ZDHHC24: variants seen among roughly 807,000 people sequenced by gnomAD.
ZDHHC24 encodes the protein probable palmitoyltransferase ZDHHC24.
Under a neutral mutation model 23.2 loss-of-function variants are expected in ZDHHC24, and 17 were observed. That is an observed-to-expected ratio of 0.73 (90% CI 0.50 to 1.10). ZDHHC24 has a LOEUF of 1.10. Among genes scored for constraint, ZDHHC24 ranks in the 50% least tolerant of loss-of-function variants. The pLI is 0.00. For synonymous variants in ZDHHC24, 186 were observed against 194.5 expected (o/e 0.96, Z 0.36); for missense variants, 366 against 393.0 (o/e 0.93, Z 0.58).
At chr11:66,543,097 A>T (rs1857199374) in intron 2 of ZDHHC24, among the ~76,000 whole-genome samples, 1 of 152,172 alleles carries the variant, frequency 6.6e-6, no homozygotes, top group South Asian at 2.1e-4. Context: ...CTGGGGGTAG[A>T]GAACAAAGAG....
intron 2 of ZDHHC24, chr11:66,529,798 C>T (rs756204827): frequency 6.2e-7 from 1 of 1,609,970 alleles, no homozygotes; most frequent in South Asian, 1.1e-5. Flanking sequence ...CACCGTCAGC[C>T]TCTGGGACCC....
downstream of ZDHHC24, among the ~76,000 whole-genome samples, chr11:66,535,356 G>A (rs539555169): frequency 2.1e-4 from 30 of 140,494 alleles, no homozygotes; most frequent in African/African-American, 6.6e-4. Context: ...CACTACAGAC[G>A]CACTACCACA....
chr11:66,527,207 CAAA>C (rs201003949), intron 3 of ZDHHC24: 83 of 447,580 alleles, frequency 1.9e-4, no homozygotes, highest in Middle Eastern at 5.9e-4. Context: ...ACTTCTTTCT[CAAA>C]AAAAAAAAAA....
At chr11:66,527,181 T>C (rs1480252374) in intron 3 of ZDHHC24, 2 of 596,346 alleles carry the variant, frequency 3.4e-6, no homozygotes, top group African/African-American at 3.8e-5. Context: ...AAGACCTACC[T>C]GGGTAACATA....
downstream of ZDHHC24, among the ~76,000 whole-genome samples, chr11:66,534,226 C>CCT (rs1300517490): frequency 6.7e-6 from 1 of 148,704 alleles, no homozygotes. Flanking sequence ...AGGCAGATCA[C>CCT]AAGGCCAGGA....
chr11:66,532,009 C>T, downstream of ZDHHC24: 1 of 1,607,956 alleles, frequency 6.2e-7, no homozygotes, highest in Non-Finnish European at 8.5e-7. Context: ...GTCAACATGC[C>T]TGGGAGCGAG....
At chr11:66,521,022 C>T (rs574350682), downstream of ZDHHC24, 54 of 522,920 alleles carry the variant, frequency 1.0e-4, no homozygotes, top group South Asian at 9.5e-4. Context: ...CCCAGCTGCA[C>T]GGTTGTTTAA....
rs116129485 is a variant in ZDHHC24 at position 66,528,836 on chromosome 11, C to T, written c.736+476G>A. Among the ~76,000 whole-genome samples, 300 of 151,942 alleles carry T rather than the reference C, an allele frequency of 2.0e-3. 2 individuals are homozygous for T. The highest frequency in any genetic ancestry group is 6.9e-3 in the African/African-American group (286 of 41,434). On this transcript the variant is annotated intron_variant, in intron 3 of 4. Coordinates refer to the ZDHHC24 transcript ENST00000526986. ...ACAAAAAATTAGCCAGGCTTGGCGG[C>T]GCGTGCCTGTAATTCCAGCTACTCG... is the stretch of plus-strand genomic sequence containing the variant.
At chr11:66,528,878 G>T (rs980432625) in intron 3 of ZDHHC24, among the ~76,000 whole-genome samples, 1 of 145,574 alleles carries the variant, frequency 6.9e-6, no homozygotes, top group African/African-American at 2.5e-5. Flanking sequence ...TGAGGCAGGA[G>T]AATCGATTGA....
In ZDHHC24 at chr11:66,536,147, G is replaced by C. The variant is rs1235834952; in HGVS notation, c.*3382C>G. The stretch of plus-strand genomic sequence containing the variant: ...AAACAGGACAGTGTCTCCCCCACCA[G>C]GAAGGGGCAACAGCAGGAACTTCGA... On this transcript the variant is annotated 3_prime_UTR_variant, in exon 3 of 3. Transcript: ENST00000310442. 6.6e-6 allele frequency: 1 copy of C among 152,370 alleles called. No homozygotes were observed. Among genetic ancestry groups the C allele is most frequent in the African/African-American group, 2.4e-5 (1 of 41,466 alleles). 9.4% of individuals were successfully genotyped at this position (152,370 alleles called of 1,614,324 possible).
downstream of ZDHHC24, chr11:66,531,050 G>A (rs371215066): frequency 6.2e-7 from 1 of 1,614,058 alleles, no homozygotes; most frequent in Non-Finnish European, 8.5e-7. Context: ...TCCTCACTTA[G>A]ATATGGAGTG....
downstream of ZDHHC24, chr11:66,531,942 C>T (rs1363840770): frequency 9.5e-6 from 15 of 1,581,246 alleles, no homozygotes; most frequent in Admixed American, 1.8e-5. Flanking sequence ...CATGGCCACT[C>T]CTCCATAGGT....
At chr11:66,534,734 C>T (rs532449361), downstream of ZDHHC24, among the ~76,000 whole-genome samples, 5 of 152,108 alleles carry the variant, frequency 3.3e-5, no homozygotes, top group African/African-American at 9.6e-5. Context: ...CTCACTGTGT[C>T]GCCCAGGCTG....
Position 66,523,445 on chromosome 11 carries a change from T to G in ZDHHC24, c.*22-1979A>C. On this transcript the variant is annotated intron_variant, in intron 4 of 4. Coordinates refer to the ZDHHC24 transcript ENST00000526986. ...TCTCTGGGGCCAGACAGTGTGTTGT[T>G]TATTCCACAGAGACTCCAAGCACCC... is the stretch of plus-strand genomic sequence containing the variant. 2.5e-6 allele frequency: 4 copies of G among 1,614,074 alleles called. 1 individual carries two copies. The South Asian group carries it at 4.4e-5, about 18-fold the overall frequency.
chr11:66,525,868 G>A (rs747470513), intron 4 of ZDHHC24, among the ~76,000 whole-genome samples: 18 of 152,164 alleles, frequency 1.2e-4, no homozygotes, highest in Non-Finnish European at 2.5e-4. Flanking sequence ...TGGGGAGAAA[G>A]ACCCGAAAGA....
At chr11:66,523,138 A>G in intron 4 of ZDHHC24, 1 of 504,164 alleles carries the variant, frequency 2.0e-6, no homozygotes, top group Non-Finnish European at 3.9e-6. Flanking sequence ...GTCCAGCCAA[A>G]GGTAAACTCA....
At chr11:66,540,129 C>T (rs1857106979) in intron 2 of ZDHHC24, among the ~76,000 whole-genome samples, 1 of 152,078 alleles carries the variant, frequency 6.6e-6, no homozygotes, top group Admixed American at 6.6e-5. Context: ...TTAAAGAGGC[C>T]ATTCTTGGCT....
Position 66,539,635 on chromosome 11 carries a change from C to T in ZDHHC24, c.749G>A (p.Gly250Glu), listed in dbSNP as rs746595686. The T allele has an allele frequency of 3.1e-6, 5 of 1,612,548 alleles. No individual in the cohort carries two copies. Among genetic ancestry groups the T allele is most frequent in the Non-Finnish European group, 3.4e-6 (4 of 1,179,624 alleles). Reference protein sequence around the residue: ...GPCHNLQAALGPRWALVWLWP... With the variant: ...GPCHNLQAALEPRWALVWLWP... Reference sequence around the variant, plus strand: ...GAGCCAGACGAGGGCCCAGCGGGGCCCCAGGGCTGCCTGCAGGTTGTGGCA... The same window carrying T: ...GAGCCAGACGAGGGCCCAGCGGGGCTCCAGGGCTGCCTGCAGGTTGTGGCA... The change falls in exon 3 of 3, where the codon GGG becomes GAG. Residue 250 changes from glycine (G) to glutamate (E), a missense_variant. Physicochemically the swap from Gly to Glu is moderately conservative, Grantham distance 98. Coordinates refer to ENST00000310442, the MANE Select transcript of ZDHHC24 (RefSeq NM_207340.3).
intron 2 of ZDHHC24, 33 bp from the exon 3 acceptor site, chr11:66,539,857 G>C (rs536889129): frequency 1.4e-5 from 21 of 1,525,784 alleles, no homozygotes; most frequent in Admixed American, 4.1e-5. Flanking sequence ...GTCAGGGAGG[G>C]GCAGTGGGGT....
Sources: gnomAD v4.1 joint callset for allele counts (sites outside exome capture counted in the v4.1 genomes callset) on GRCh38, gnomAD v4.1.1 for gene constraint, MANE v1.5 for transcripts, NCBI Gene and HGNC (gene_info 2026-07-23, HGNC 2026-07-21) for gene names.